Variants in PPM1H observed in about 807,000 individuals in gnomAD.
The protein encoded by PPM1H is protein phosphatase, Mg2+/Mn2+ dependent 1H.
A neutral mutation model predicts 54.9 loss-of-function variants in PPM1H; 27 were observed. The ratio of observed to expected loss-of-function variants is 0.49; its 90% CI spans 0.36 to 0.68. The LOEUF (loss-of-function observed/expected upper bound fraction) is 0.68. PPM1H is among the 30% of genes least tolerant of loss of function. PPM1H has a pLI of 0.00. For missense variants in PPM1H, 596 were observed against 667.8 expected, an observed-to-expected ratio of 0.89 and a Z score of 1.19; for synonymous variants, 305 against 270.8, an observed-to-expected ratio of 1.13 and a Z score of -1.24.
At chr12:62,813,355 C>T (rs2076846667) in intron 2 of PPM1H, among the ~76,000 whole-genome samples, 1 of 127,830 alleles carries the variant, frequency 7.8e-6, no homozygotes, top group African/African-American at 3.6e-5. Context: ...GGGAATTGGT[C>T]GGCGTGTAAG....
chr12:62,919,887 T>C (rs1441431198), intron 1 of PPM1H, among the ~76,000 whole-genome samples: 2 of 151,546 alleles, frequency 1.3e-5, no homozygotes, highest in Non-Finnish European at 2.9e-5. Flanking sequence ...GACAGGGGAA[T>C]GGGGAGAAGA....
intron 5 of PPM1H, among the ~76,000 whole-genome samples, chr12:62,733,049 T>C (rs1245896214): frequency 6.6e-6 from 1 of 152,216 alleles, no homozygotes; most frequent in Non-Finnish European, 1.5e-5. Context: ...TATTTTATAT[T>C]ACCATGCAGT....
In PPM1H at chr12:62,929,614, C is replaced by T. The variant is rs148602471; in HGVS notation, c.245+4878G>A. Reference sequence around the variant, plus strand: ...CTGGGACTGAAACATATAGTAAACACCCCCCTGCATGGTTAAACCCTTTGC... The same window carrying T: ...CTGGGACTGAAACATATAGTAAACATCCCCCTGCATGGTTAAACCCTTTGC... On this transcript the variant is annotated intron_variant, in intron 1 of 9. Coordinates refer to ENST00000228705, the MANE Select transcript of PPM1H (RefSeq NM_020700.2). Among the ~76,000 whole-genome samples the T allele has an allele frequency of 5.3e-5, 8 of 152,186 alleles. No individual in the cohort carries two copies. The East Asian group carries it at 1.5e-3, about 29-fold the overall frequency.
chr12:62,832,149 G>A lies in PPM1H; in HGVS notation c.376C>T (p.Pro126Ser). Reference protein sequence around the residue: ...RNSSKRRSSLPNGEGLQLKEN... With the variant: ...RNSSKRRSSLSNGEGLQLKEN... ...TTCAGCTGCAGCCCTTCCCCATTGG[G>A]AAGGGAGGACCGTCTCTTGGATGAG... The change falls in exon 2 of 10, where the codon CCC becomes TCC. Residue 126 changes from proline (P) to serine (S), a missense_variant. By Grantham distance (74) the Pro-to-Ser change is moderately conservative. This residue lies in a region of PPM1H where 382 missense variants were observed against 387.1 expected (regional missense o/e 0.99). Coordinates refer to ENST00000228705, the MANE Select transcript of PPM1H (RefSeq NM_020700.2). The A allele has an allele frequency of 6.2e-7, 1 of 1,613,880 alleles. No individual in the cohort carries two copies. Among genetic ancestry groups the A allele is most frequent in the Non-Finnish European group, 8.5e-7 (1 of 1,179,842 alleles).
At chr12:62,753,847 C>T (rs2076455322) in intron 4 of PPM1H, among the ~76,000 whole-genome samples, 1 of 152,188 alleles carries the variant, frequency 6.6e-6, no homozygotes, top group Admixed American at 6.5e-5. Context: ...ACCTCATTTC[C>T]ACTAGTTCTG....
chr12:62,863,356 A>G (rs1446534881), intron 1 of PPM1H, among the ~76,000 whole-genome samples: 2 of 152,160 alleles, frequency 1.3e-5, no homozygotes, highest in Non-Finnish European at 2.9e-5. Flanking sequence ...AAATGATTAT[A>G]ACTTTAACCA....
intron 1 of PPM1H, among the ~76,000 whole-genome samples, chr12:62,919,746 G>A (rs988376312): frequency 6.6e-6 from 1 of 152,112 alleles, no homozygotes; most frequent in African/African-American, 2.4e-5. Context: ...TCCTCATGGA[G>A]CCCAGAACCA....
At chr12:62,776,582 T>C (rs141598727) in intron 4 of PPM1H, among the ~76,000 whole-genome samples, 1 of 152,326 alleles carries the variant, frequency 6.6e-6, no homozygotes, top group East Asian at 1.9e-4. Flanking sequence ...ACATCATCTG[T>C]AATCTGCATG....
At chr12:62,827,017 C>T (rs73130088) in intron 2 of PPM1H, among the ~76,000 whole-genome samples, 1 of 152,176 alleles carries the variant, frequency 6.6e-6, no homozygotes, top group South Asian at 2.1e-4. Flanking sequence ...TTCTGTTACA[C>T]ACTTTTATAC....
chr12:62,673,332 T>G (rs920974149), intron 8 of PPM1H, among the ~76,000 whole-genome samples: 8 of 152,242 alleles, frequency 5.3e-5, no homozygotes, highest in Non-Finnish European at 1.2e-4. Flanking sequence ...AGTGCTCGGC[T>G]GCAGGCTGCT....
intron 7 of PPM1H, 122 bp downstream of exon 7, chr12:62,693,814 A>C: frequency 1.2e-6 from 1 of 849,630 alleles, no homozygotes. Context: ...ATATGCTTTC[A>C]AGCTGTCAAG....
At chr12:62,880,170 C>T (rs927728999) in intron 1 of PPM1H, among the ~76,000 whole-genome samples, 1 of 152,142 alleles carries the variant, frequency 6.6e-6, no homozygotes, top group Non-Finnish European at 1.5e-5. Context: ...TACACACACA[C>T]ATAAATACCT....
At chr12:62,886,480 A>G (rs1047516098) in intron 1 of PPM1H, among the ~76,000 whole-genome samples, 1 of 152,218 alleles carries the variant, frequency 6.6e-6, no homozygotes, top group Admixed American at 6.5e-5. Flanking sequence ...AACAGCAGAA[A>G]CTGAACAGTA....
chr12:62,819,900 C>G (rs1348291702), intron 2 of PPM1H, among the ~76,000 whole-genome samples: 1 of 152,186 alleles, frequency 6.6e-6, no homozygotes. Flanking sequence ...ACTGAGGTAC[C>G]TGGTTCATCT....
intron 2 of PPM1H, among the ~76,000 whole-genome samples, chr12:62,822,463 C>T (rs1257219701): frequency 2.6e-5 from 4 of 152,308 alleles, no homozygotes; most frequent in South Asian, 4.1e-4. Context: ...TTCTCAGCAC[C>T]ACATAGCACT....
chr12:62,932,508 G>T (rs1455995778), intron 1 of PPM1H, among the ~76,000 whole-genome samples: 1 of 152,042 alleles, frequency 6.6e-6, no homozygotes, highest in Non-Finnish European at 1.5e-5. Context: ...CCCTCGCCCT[G>T]GGAAACTCAC....
chr12:62,932,628 CTTTTTTTT>C lies in PPM1H; in HGVS notation c.245+1856_245+1863del, dbSNP rs61003358. ...CTGTCTCGTAAAGGGTCCAAATGGG[CTTTTTTTT>C]TTTTTTTTTTTTTTTGAGAAGGAGT... On this transcript the variant is annotated intron_variant, in intron 1 of 9. Coordinates refer to ENST00000228705, the MANE Select transcript of PPM1H (RefSeq NM_020700.2). Among the ~76,000 whole-genome samples, 66 of 54,014 alleles carry C rather than the reference CTTTTTTTT, an allele frequency of 1.2e-3. 1 individual carries two copies. Among genetic ancestry groups the C allele is most frequent in the South Asian group, 3.5e-3 (3 of 846 alleles). 35.4% of individuals were successfully genotyped at this position (54,014 alleles called of 152,430 possible).
At chr12:62,760,806 A>G (rs2076504155) in intron 4 of PPM1H, among the ~76,000 whole-genome samples, 1 of 152,252 alleles carries the variant, frequency 6.6e-6, no homozygotes, top group African/African-American at 2.4e-5. Context: ...AACTTTTCCT[A>G]TAAAAGGTGA....
At chr12:62,919,317 T>A (rs1871719113) in intron 1 of PPM1H, among the ~76,000 whole-genome samples, 1 of 152,076 alleles carries the variant, frequency 6.6e-6, no homozygotes, top group Non-Finnish European at 1.5e-5. Flanking sequence ...TGTTGGTAAC[T>A]CAGGTGATAA....
Sources: allele counts gnomAD v4.1 joint callset (sites outside exome capture counted in the v4.1 genomes callset), GRCh38; gene constraint gnomAD v4.1.1; regional missense constraint gnomAD v4.1.1; transcripts MANE v1.5; gene names NCBI Gene and HGNC (gene_info 2026-07-23, HGNC 2026-07-21).